Variants in KAZN observed in about 807,000 individuals in gnomAD.
KAZN encodes kazrin, periplakin interacting protein.
KAZN carries 40 observed loss-of-function variants against 87.4 expected under a neutral mutation model. That is an observed-to-expected ratio of 0.46 (90% confidence interval 0.36 to 0.60). The LOEUF (loss-of-function observed/expected upper bound fraction) is 0.60. KAZN is among the 20% of genes least tolerant of loss of function. KAZN has a pLI of 0.00. For synonymous variants in KAZN, 466 were observed against 458.3 expected, an observed-to-expected ratio of 1.02 and a Z score of -0.22; for missense variants, 898 against 1,073.9, an observed-to-expected ratio of 0.84 and a Z score of 2.29.
chr1:14,628,801 A>G (rs1482565151), intron 1 of KAZN, among the ~76,000 whole-genome samples: 1 of 151,710 alleles, frequency 6.6e-6, no homozygotes, highest in Admixed American at 6.6e-5. Flanking sequence ...TCCATCATTA[A>G]CACTTAACAA....
chr1:15,089,852 C>T (rs1238625873), intron 8 of KAZN, among the ~76,000 whole-genome samples: 2 of 150,560 alleles, frequency 1.3e-5, no homozygotes, highest in South Asian at 2.1e-4. Context: ...GTGGAGATGA[C>T]GTTACTGGGC....
intron 2 of KAZN, among the ~76,000 whole-genome samples, chr1:14,436,530 C>A (rs1241398283): frequency 6.6e-6 from 1 of 151,730 alleles, no homozygotes; most frequent in Non-Finnish European, 1.5e-5. Flanking sequence ...CCAGCCTGGA[C>A]AACATGGTGA....
chr1:13,927,838 G>T (rs1640344503), intron 1 of KAZN, among the ~76,000 whole-genome samples: 3 of 152,216 alleles, frequency 2.0e-5, no homozygotes, highest in Admixed American at 2.0e-4. Context: ...AGGCTGCCCT[G>T]CAAGGGGCCA....
At chr1:14,977,138 C>A (rs962610325) in intron 2 of KAZN, among the ~76,000 whole-genome samples, 1 of 152,204 alleles carries the variant, frequency 6.6e-6, no homozygotes, top group Admixed American at 6.5e-5. Flanking sequence ...GTCCTCGGGG[C>A]GGTGATTCCC....
At chr1:14,747,132 T>C (rs780067124) in intron 1 of KAZN, among the ~76,000 whole-genome samples, 1 of 152,202 alleles carries the variant, frequency 6.6e-6, no homozygotes, top group Non-Finnish European at 1.5e-5. Context: ...GTCCTCAAGA[T>C]TCATCAGTGC....
rs141300297 is a variant in KAZN at position 13,954,438 on chromosome 1, G to C, written c.91+60682G>C. On this transcript the variant is annotated intron_variant, in intron 1 of 16. Transcript: ENST00000636203. ...CAGGATAAGATGTGATGGGGTTGCT[G>C]TTTTGATCACCAGGATTGTTTCTGC... is the stretch of plus-strand genomic sequence containing the variant. Among the ~76,000 whole-genome samples, 34 of 152,334 alleles carry C rather than the reference G, an allele frequency of 2.2e-4. 1 individual carries two copies. The East Asian group carries it at 6.4e-3, about 28-fold the overall frequency.
upstream of KAZN, among the ~76,000 whole-genome samples, chr1:14,597,876 A>G (rs1676610026): frequency 1.3e-5 from 2 of 152,204 alleles, no homozygotes; most frequent in African/African-American, 2.4e-5. Flanking sequence ...TGGAGAGGGC[A>G]TATCAACGTC....
At chr1:13,977,033 T>C (rs1178924837) in intron 1 of KAZN, among the ~76,000 whole-genome samples, 2 of 152,210 alleles carry the variant, frequency 1.3e-5, no homozygotes, top group Non-Finnish European at 2.9e-5. Context: ...AACCCTCCTG[T>C]CTTATGAATT....
intron 1 of KAZN, among the ~76,000 whole-genome samples, chr1:14,662,053 C>A (rs1014946672): frequency 1.3e-5 from 2 of 152,196 alleles, no homozygotes; most frequent in Non-Finnish European, 2.9e-5. Flanking sequence ...TCAGTCTCTT[C>A]ATCCATAAAG....
intron 1 of KAZN, among the ~76,000 whole-genome samples, chr1:14,919,617 T>C (rs561626236): frequency 2.0e-5 from 3 of 152,250 alleles, no homozygotes; most frequent in Non-Finnish European, 4.4e-5. Context: ...ATCAAGAGTT[T>C]ACTGCTTTGT....
chr1:14,255,514 G>A (rs1183607867), intron 2 of KAZN, among the ~76,000 whole-genome samples: 2 of 152,220 alleles, frequency 1.3e-5, no homozygotes, highest in Admixed American at 1.3e-4. Flanking sequence ...CTTCAGTTCT[G>A]TCGTCCAGTA....
chr1:14,800,172 C>G (rs1466764255), intron 1 of KAZN, among the ~76,000 whole-genome samples: 1 of 152,158 alleles, frequency 6.6e-6, no homozygotes, highest in African/African-American at 2.4e-5. Flanking sequence ...CATGGCAGAT[C>G]TCCAGGTTTT....
chr1:14,457,725 G>A lies in KAZN; in HGVS notation c.250-141258G>A, dbSNP rs186308940. Reference sequence around the variant, plus strand: ...TATAAGATTAGTTCGGCCCAGCTAAGCATGGGACAGATCATATTGCATGTT... The same window carrying A: ...TATAAGATTAGTTCGGCCCAGCTAAACATGGGACAGATCATATTGCATGTT... On this transcript the variant is annotated intron_variant, in intron 2 of 16. Coordinates refer to the KAZN transcript ENST00000636203. 3.3e-5 allele frequency among the ~76,000 whole-genome samples: 5 copies of A among 152,240 alleles called. No individual in the cohort carries two copies. The East Asian group carries it at 7.7e-4, about 23-fold the overall frequency.
intron 2 of KAZN, among the ~76,000 whole-genome samples, chr1:14,298,815 G>A (rs1369110102): frequency 1.3e-5 from 2 of 152,206 alleles, no homozygotes; most frequent in African/African-American, 2.4e-5. Context: ...TACTAATAGA[G>A]TATACAAATG....
chr1:14,587,953 G>A (rs772615251), intron 2 of KAZN, among the ~76,000 whole-genome samples: 5 of 152,218 alleles, frequency 3.3e-5, no homozygotes, highest in Admixed American at 6.5e-5. Context: ...CCCATGTTGC[G>A]TTTGAGTGGA....
At chr1:14,629,235 G>A (rs1375208511) in intron 1 of KAZN, among the ~76,000 whole-genome samples, 1 of 152,192 alleles carries the variant, frequency 6.6e-6, no homozygotes, top group African/African-American at 2.4e-5. Context: ...CCCAAGAAAG[G>A]TGTTGGGGTT....
intron 2 of KAZN, among the ~76,000 whole-genome samples, chr1:14,454,390 T>C (rs1200840217): frequency 6.6e-6 from 1 of 152,244 alleles, no homozygotes; most frequent in African/African-American, 2.4e-5. Context: ...GTATCATCTT[T>C]ATTTGTTTCT....
At chr1:14,557,044 C>G (rs540962387) in intron 2 of KAZN, among the ~76,000 whole-genome samples, 19 of 152,138 alleles carry the variant, frequency 1.2e-4, no homozygotes, top group African/African-American at 4.6e-4. Context: ...ATAATCCACA[C>G]AGCAAAATAA....
At chr1:13,958,431 G>T (rs537894631) in intron 1 of KAZN, among the ~76,000 whole-genome samples, 1 of 151,810 alleles carries the variant, frequency 6.6e-6, no homozygotes, top group Non-Finnish European at 1.5e-5. Context: ...AAAATTAGCC[G>T]GGCATAGTGG....
Sources: allele counts gnomAD v4.1 joint callset (sites outside exome capture counted in the v4.1 genomes callset), GRCh38; gene constraint gnomAD v4.1.1; transcripts MANE v1.5; gene names NCBI Gene and HGNC (gene_info 2026-07-23, HGNC 2026-07-21).